CTNNB1: variants seen among roughly 807,000 people sequenced by gnomAD.
CTNNB1 encodes the protein catenin beta 1.
Under a neutral mutation model 82.5 loss-of-function variants are expected in CTNNB1, and 6 were observed. The ratio of observed to expected loss-of-function variants is 0.07; its 90% CI spans 0.04 to 0.14. The LOEUF (loss-of-function observed/expected upper bound fraction) is 0.14. Ranked by LOEUF, CTNNB1 falls within the 10% of genes least tolerant of loss-of-function variation. CTNNB1 has a pLI of 1.00. For synonymous variants in CTNNB1, 312 were observed against 329.7 expected, an observed-to-expected ratio of 0.95 and a Z score of 0.58; for missense variants, 529 against 980.4, an observed-to-expected ratio of 0.54 and a Z score of 6.15.
rs200991012 is a variant in CTNNB1 at position 41,239,261 on chromosome 3, T to C, written c.2265T>C (p.Asp755=). The change falls in exon 15 of 15, where the codon GAT becomes GAC. Residue 755 remains aspartate (D), a synonymous_variant. Coordinates refer to ENST00000349496, the MANE Select transcript of CTNNB1 (RefSeq NM_001904.4). ...ACTATCCAGTTGATGGGCTGCCAGA[T>C]CTGGGGCATGCCCAGGACCTCATGG... ...GADYPVDGLP[D]LGHAQDLMDG... 2.5e-6 allele frequency: 4 copies of C among 1,614,198 alleles called. No homozygotes were observed. The highest frequency in any genetic ancestry group is 3.4e-6 in the Non-Finnish European group (4 of 1,180,046).
chr3:41,240,422 G>C lies in CTNNB1; in HGVS notation c.*1080G>C, dbSNP rs1247802304. ...AAATGCGGTTATAAAAAATGGTTCAGAATTAAACTTTTAATTCATTCGATT... is the reference window on the plus strand; with the variant it reads ...AAATGCGGTTATAAAAAATGGTTCACAATTAAACTTTTAATTCATTCGATT... On this transcript the variant is annotated 3_prime_UTR_variant, in exon 15 of 15. Transcript: ENST00000349496. 3 of 180,248 alleles carry C rather than the reference G, an allele frequency of 1.7e-5. No homozygotes were observed. The highest frequency in any genetic ancestry group is 2.4e-5 in the African/African-American group (1 of 42,364). 11.2% of individuals were successfully genotyped at this position (180,248 alleles called of 1,614,324 possible).
At chr3:41,233,944 AG>A in intron 9 of CTNNB1, 77 bp downstream of exon 9, 1 of 1,499,958 alleles carries the variant, frequency 6.7e-7, no homozygotes, top group African/African-American at 1.4e-5. Flanking sequence ...TGGCTGTCTA[AG>A]CATAGTGATC....
intron 1 of CTNNB1, among the ~76,000 whole-genome samples, chr3:41,209,430 A>G (rs1026866094): frequency 1.3e-5 from 2 of 152,200 alleles, no homozygotes; most frequent in African/African-American, 4.8e-5. Context: ...CTGTCTTTCC[A>G]GTTACCTAGC....
chr3:41,214,563 A>G (rs981518176), intron 1 of CTNNB1, among the ~76,000 whole-genome samples: 3 of 152,146 alleles, frequency 2.0e-5, no homozygotes, highest in Admixed American at 6.5e-5. Flanking sequence ...ACGGGGGGGA[A>G]CACTTTGTGA....
intron 1 of CTNNB1, among the ~76,000 whole-genome samples, chr3:41,206,791 C>T (rs2077658173): frequency 6.6e-6 from 1 of 152,048 alleles, no homozygotes; most frequent in African/African-American, 2.4e-5. Context: ...ACTTTGGAGG[C>T]TTCCAAGTGG....
At chr3:41,206,134 C>A (rs1235280195) in intron 1 of CTNNB1, among the ~76,000 whole-genome samples, 1 of 152,092 alleles carries the variant, frequency 6.6e-6, no homozygotes, top group South Asian at 2.1e-4. Context: ...CACGGTTTTA[C>A]TTCTGTTTTA....
At chr3:41,224,171 C>T in intron 2 of CTNNB1, 90 bp downstream of exon 2, 1 of 1,445,622 alleles carries the variant, frequency 6.9e-7, no homozygotes, top group Non-Finnish European at 9.7e-7. Context: ...GCTTTCCTCT[C>T]TCCCTGCTTA....
At chr3:41,200,618 T>C (rs905537323) in intron 1 of CTNNB1, among the ~76,000 whole-genome samples, 17 of 152,350 alleles carry the variant, frequency 1.1e-4, no homozygotes, top group African/African-American at 4.1e-4. Context: ...TAGAGCACGT[T>C]TTCTTTTCAG....
At position 41,239,222 on chromosome 3, in the gene CTNNB1, C is replaced by T. The variant is rs201583088; in HGVS notation, c.2226C>T (p.His742=). Residue 742 remains histidine, a synonymous_variant, in exon 15 of 15, where the codon CAC becomes CAT. Transcript: ENST00000349496. ...DPMMEHEMGG[H]HPGADYPVDG... ...TGATGGAACATGAGATGGGTGGCCACCACCCTGGTGCTGACTATCCAGTTG... is the reference window on the plus strand; with the variant it reads ...TGATGGAACATGAGATGGGTGGCCATCACCCTGGTGCTGACTATCCAGTTG... The T allele has an allele frequency of 1.1e-5, 18 of 1,614,168 alleles. No homozygotes were observed. The East Asian group carries it at 4.0e-4, about 36-fold the overall frequency.
At chr3:41,236,131 A>T in intron 11 of CTNNB1, 1 of 734,230 alleles carries the variant, frequency 1.4e-6, no homozygotes, top group Non-Finnish European at 2.3e-6. Context: ...TAGATCAGTT[A>T]GAGCTGCCTC....
chr3:41,232,425 T>C (rs776841751), intron 7 of CTNNB1, among the ~76,000 whole-genome samples: 2 of 151,652 alleles, frequency 1.3e-5, no homozygotes, highest in Non-Finnish European at 2.9e-5. Flanking sequence ...TAACTTACAC[T>C]ATGAAGGAGA....
At chr3:41,226,838 A>G (rs991053642) in intron 6 of CTNNB1, among the ~76,000 whole-genome samples, 1 of 152,224 alleles carries the variant, frequency 6.6e-6, no homozygotes, top group South Asian at 2.1e-4. Context: ...GTTAAGTGCC[A>G]GTTCTGGTTC....
At chr3:41,239,047 A>G (rs2078508806) in intron 14 of CTNNB1, 87 bp from the exon 15 acceptor site, 7 of 1,132,892 alleles carry the variant, frequency 6.2e-6, no homozygotes, top group Non-Finnish European at 8.0e-6. Context: ...GGATGCCCTA[A>G]CCTCAGTGTT....
intron 1 of CTNNB1, among the ~76,000 whole-genome samples, chr3:41,201,501 C>G (rs958439463): frequency 6.6e-6 from 1 of 152,092 alleles, no homozygotes; most frequent in Non-Finnish European, 1.5e-5. Context: ...GCAACAGTAA[C>G]TTGAAAAACT....
intron 1 of CTNNB1, among the ~76,000 whole-genome samples, chr3:41,210,454 C>CA (rs528407913): frequency 1.0e-3 from 156 of 149,476 alleles, no homozygotes; most frequent in South Asian, 9.7e-3. Context: ...AACTCCGTCT[C>CA]AAAAAAAAAC....
intron 13 of CTNNB1, 40 bp downstream of exon 13, chr3:41,236,749 A>G (rs2125647729): frequency 6.2e-7 from 1 of 1,613,516 alleles, no homozygotes; most frequent in Non-Finnish European, 8.5e-7. Flanking sequence ...GTAGTTTCCT[A>G]GAGCAGGTAT....
intron 10 of CTNNB1, chr3:41,234,505 T>TCCTTCA (rs1176983306): frequency 6.7e-6 from 4 of 600,174 alleles, no homozygotes; most frequent in Non-Finnish European, 8.9e-6. Flanking sequence ...CTTGGACACG[T>TCCTTCA]CCTTCACATG....
intron 6 of CTNNB1, among the ~76,000 whole-genome samples, chr3:41,226,369 AGTG>A (rs2078176158): frequency 6.6e-6 from 1 of 152,174 alleles, no homozygotes; most frequent in African/African-American, 2.4e-5. Flanking sequence ...AGTGGGAAGA[AGTG>A]GGGCTATGAG....
chr3:41,236,581 C>G lies in CTNNB1; in HGVS notation c.1955-7C>G, dbSNP rs2125646807. 1.2e-6 allele frequency: 2 copies of G among 1,614,186 alleles called. No homozygotes were observed. The highest frequency in any genetic ancestry group is 1.7e-6 in the Non-Finnish European group (2 of 1,180,034). On this transcript the variant is annotated splice_region_variant and splice_polypyrimidine_tract_variant and intron_variant, in intron 12 of 14. Coordinates refer to ENST00000349496, the MANE Select transcript of CTNNB1 (RefSeq NM_001904.4). ...TCCTCAAGGGCCTTTTTCTCCTTGTCTCTTAGCGACATATGCAGCTGCTGT... is the reference window on the plus strand; with the variant it reads ...TCCTCAAGGGCCTTTTTCTCCTTGTGTCTTAGCGACATATGCAGCTGCTGT...
Sources: allele counts gnomAD v4.1 joint callset (sites outside exome capture counted in the v4.1 genomes callset), GRCh38; gene constraint gnomAD v4.1.1; transcripts MANE v1.5; gene names NCBI Gene and HGNC (gene_info 2026-07-23, HGNC 2026-07-21).